The following NALF2 variants were observed in gnomAD, a reference collection of about 807,000 sequenced individuals.
NALF2 encodes bB57D9.1 (TED protein).
NALF2 carries 1 observed loss-of-function variant against 24.8 expected under a neutral mutation model. The ratio of observed to expected loss-of-function variants is 0.04; its 90% confidence interval spans 0.01 to 0.19. NALF2 has a LOEUF of 0.19. Ranked by LOEUF, NALF2 falls within the 10% of genes least tolerant of loss-of-function variation. The pLI is 1.00. For synonymous variants in NALF2, 254 were observed against 189.8 expected (o/e 1.34, Z -2.78); for missense variants, 458 against 409.6 (o/e 1.12, Z -1.02).
Position 69,529,584 on chromosome X carries a change from T to G in NALF2, c.1047T>G (p.Thr349=). 8.3e-7 allele frequency: 1 copy of G among 1,208,568 alleles called. No individual in the cohort carries two copies. Among genetic ancestry groups the G allele is most frequent in the Non-Finnish European group, 1.1e-6 (1 of 893,860 alleles). The part of the protein sequence containing the change: ...PGFICTGLLD[T]SPKRLETKCC... Reference sequence around the variant, plus strand: ...ATCCATTGGCAGGGTTGCTGGATACTTCACCAAAGCGTCTGGAAACCAAGT... The same window carrying G: ...ATCCATTGGCAGGGTTGCTGGATACGTCACCAAAGCGTCTGGAAACCAAGT... Residue 349 remains threonine (T), a synonymous_variant, in exon 3 of 3, where the codon ACT becomes ACG. Coordinates refer to ENST00000252338, the MANE Select transcript of NALF2 (RefSeq NM_015686.3).
rs1930416621 is a variant in NALF2 at position 69,504,572 on chromosome X, C to G, written c.-711C>G. ...CTGCGTCCGGCGCCTGTGGCGCTGCCGGGAGCCAGGTGGCCCGCCCGAGCC... is the reference window on the plus strand; with the variant it reads ...CTGCGTCCGGCGCCTGTGGCGCTGCGGGGAGCCAGGTGGCCCGCCCGAGCC... On this transcript the variant is annotated 5_prime_UTR_variant, in exon 1 of 3. Transcript: ENST00000252338. Among the ~76,000 whole-genome samples the G allele has an allele frequency of 1.8e-5, 2 of 112,952 alleles. No individual in the cohort carries two copies. The highest frequency in any genetic ancestry group is 9.2e-5 in the Admixed American group (1 of 10,907).
chrX:69,524,868 T>C (rs1930783857), intron 1 of NALF2, among the ~76,000 whole-genome samples: 1 of 111,933 alleles, frequency 8.9e-6, no homozygotes, highest in African/African-American at 3.2e-5. Context: ...GGATTACCTC[T>C]GAGCCCCACA....
intron 1 of NALF2, among the ~76,000 whole-genome samples, chrX:69,506,417 G>A (rs1233133784): frequency 8.9e-6 from 1 of 112,833 alleles, no homozygotes; most frequent in Non-Finnish European, 1.9e-5. Flanking sequence ...GAGTGGGGAG[G>A]GGCCGCAGGG....
At position 69,530,163 on chromosome X, in the gene NALF2, T is replaced by A; in HGVS notation, c.*207T>A. ...GGGCCTCAGGGAGCTGCAAAACTCATCCAGGAGAAAAAGGCAGGAGCAGCA... is the reference window on the plus strand; with the variant it reads ...GGGCCTCAGGGAGCTGCAAAACTCAACCAGGAGAAAAAGGCAGGAGCAGCA... On this transcript the variant is annotated 3_prime_UTR_variant, in exon 3 of 3. Coordinates refer to ENST00000252338, the MANE Select transcript of NALF2 (RefSeq NM_015686.3). 1 of 363,901 alleles carries A rather than the reference T, an allele frequency of 2.7e-6. No homozygotes were observed. The highest frequency in any genetic ancestry group is 4.3e-5 in the East Asian group (1 of 23,253). The allele number at this position is 363,901 out of a possible 1,213,427, so 30.0% of individuals were successfully genotyped here. A position where few individuals can be genotyped will look rare whatever the true frequency, so the allele number is the denominator to read the frequency against.
At chrX:69,528,537 T>A (rs1005823586) in intron 1 of NALF2, among the ~76,000 whole-genome samples, 1 of 112,649 alleles carries the variant, frequency 8.9e-6, no homozygotes, top group African/African-American at 3.2e-5. Flanking sequence ...CAAGGATTAT[T>A]CTTTCTCTTT....
In NALF2 at chrX:69,529,640, CGAA is replaced by C. The variant is rs771311412; in HGVS notation, c.1114_1116del (p.Lys372del). On this transcript the variant is annotated inframe_deletion, in exon 3 of 3. Coordinates refer to ENST00000252338, the MANE Select transcript of NALF2 (RefSeq NM_015686.3). ...GACGTGCAGTGGGTCTCCTGTGAGG[CGAA>C]GAAGAAGAAGTTCAAGGAGTCTGAG... The C allele has an allele frequency of 5.6e-5, 68 of 1,208,470 alleles. No individual in the cohort carries two copies. The highest frequency in any genetic ancestry group is 1.1e-4 in the South Asian group (6 of 56,467).
chrX:69,516,708 A>G (rs1005640795), intron 1 of NALF2, among the ~76,000 whole-genome samples: 4 of 111,756 alleles, frequency 3.6e-5, no homozygotes, highest in African/African-American at 1.3e-4. Flanking sequence ...AGGAATAGTG[A>G]GCCTTTGGCC....
intron 1 of NALF2, among the ~76,000 whole-genome samples, chrX:69,517,846 C>T (rs1930684036): frequency 8.9e-6 from 1 of 112,893 alleles, no homozygotes; most frequent in South Asian, 3.6e-4. Context: ...TCTGTTCTCT[C>T]CAGCCTCTCA....
At position 69,504,789 on chromosome X, in the gene NALF2, G is replaced by GGGCGAGGGGAGCGGAGC. The variant is rs1555964407; in HGVS notation, c.-491_-475dup. On this transcript the variant is annotated 5_prime_UTR_variant, in exon 1 of 3. Coordinates refer to ENST00000252338, the MANE Select transcript of NALF2 (RefSeq NM_015686.3). Reference sequence around the variant, plus strand: ...GGACGGGCGGGAGCGGAGCGGCGCGGGGCGAGGGGAGCGGAGCGGAGCGCG... The same window carrying GGGCGAGGGGAGCGGAGC: ...GGACGGGCGGGAGCGGAGCGGCGCGGGGCGAGGGGAGCGGAGCGGCGAGGGGAGCGGAGCGGAGCGCG... Among the ~76,000 whole-genome samples the GGGCGAGGGGAGCGGAGC allele has an allele frequency of 4.8e-5, 5 of 103,863 alleles. No homozygotes were observed. Among genetic ancestry groups the GGGCGAGGGGAGCGGAGC allele is most frequent in the Non-Finnish European group, 9.6e-5 (5 of 52,010 alleles). The allele number at this position is 103,863 out of a possible 115,157, so 90.2% of individuals were successfully genotyped here. A position where few individuals can be genotyped will look rare whatever the true frequency, so the allele number is the denominator to read the frequency against.
intron 1 of NALF2, among the ~76,000 whole-genome samples, chrX:69,527,667 T>G (rs1930826892): frequency 8.9e-6 from 1 of 112,010 alleles, no homozygotes; most frequent in African/African-American, 3.3e-5. Flanking sequence ...TGAGAACCAT[T>G]GCTGTGAGGA....
In NALF2 at chrX:69,505,194, G is replaced by A; in HGVS notation, c.-89G>A. The A allele has an allele frequency of 6.3e-6, 6 of 946,268 alleles. No individual in the cohort carries two copies. Among genetic ancestry groups the A allele is most frequent in the Non-Finnish European group, 7.0e-6 (5 of 716,153 alleles). The allele number at this position is 946,268 out of a possible 1,213,427, so 78.0% of individuals were successfully genotyped here. On this transcript the variant is annotated 5_prime_UTR_variant, in exon 1 of 3. Transcript: ENST00000252338. Reference sequence around the variant, plus strand: ...GAGGTAGAGCCTGGACGGCGCCGAGGAGCGCAGAGCGGCGCGCAGCCCGCC... The same window carrying A: ...GAGGTAGAGCCTGGACGGCGCCGAGAAGCGCAGAGCGGCGCGCAGCCCGCC...
At position 69,529,681 on chromosome X, in the gene NALF2, C is replaced by T. The variant is rs1930866594; in HGVS notation, c.1144C>T (p.His382Tyr). The T allele has an allele frequency of 4.1e-6, 5 of 1,209,393 alleles. No homozygotes were observed. The highest frequency in any genetic ancestry group is 4.6e-4 in the Middle Eastern group (2 of 4,353). The change falls in exon 3 of 3, where the codon CAC (histidine) becomes TAC (tyrosine). Residue 382 changes from histidine (H) to tyrosine (Y), a missense_variant. Coordinates refer to ENST00000252338, the MANE Select transcript of NALF2 (RefSeq NM_015686.3). ...KFKESEAPKT[H>Y]QQQFHHSYFH... ...CAAGGAGTCTGAGGCCCCCAAAACC[C>T]ACCAGCAGCAATTCCACCACTCCTA...
chrX:69,523,963 C>T (rs1226019849), intron 1 of NALF2, among the ~76,000 whole-genome samples: 1 of 111,649 alleles, frequency 9.0e-6, no homozygotes, highest in Non-Finnish European at 1.9e-5. Context: ...CCTCCCAAAC[C>T]GATGGTTCTC....
chrX:69,521,005 G>A (rs187966325), intron 1 of NALF2, among the ~76,000 whole-genome samples: 1 of 111,934 alleles, frequency 8.9e-6, no homozygotes, highest in Non-Finnish European at 1.9e-5. Flanking sequence ...TTAGTCATGG[G>A]AGTGGCAAGC....
intron 1 of NALF2, among the ~76,000 whole-genome samples, chrX:69,509,529 A>AC (rs1399108864): frequency 1.8e-5 from 2 of 111,159 alleles, no homozygotes; most frequent in African/African-American, 6.6e-5. Context: ...TAGCTCTCTC[A>AC]CCAGCCATAG....
chrX:69,529,276 C>T, intron 2 of NALF2, 112 bp downstream of exon 2: 1 of 894,867 alleles, frequency 1.1e-6, no homozygotes, highest in Non-Finnish European at 1.5e-6. Flanking sequence ...AGAAGAAGGC[C>T]AGTGGCTGGA....
intron 1 of NALF2, among the ~76,000 whole-genome samples, chrX:69,523,210 C>A (rs1195759692): frequency 1.8e-5 from 2 of 112,849 alleles, no homozygotes; most frequent in African/African-American, 6.4e-5. Context: ...CTGCTTACTT[C>A]CTGGTTGGCA....
Position 69,512,705 on chromosome X carries a change from G to A in NALF2, c.861+6562G>A, listed in dbSNP as rs1372038557. ...CATGAGACAACTGAGGCTCAGTGAG[G>A]TGAAATGACCTACCCAGGCCACATA... On this transcript the variant is annotated intron_variant, in intron 1 of 2. Transcript: ENST00000252338. Among the ~76,000 whole-genome samples, 3 of 111,966 alleles carry A rather than the reference G, an allele frequency of 2.7e-5. No individual in the cohort carries two copies. The Admixed American group carries it at 2.8e-4, about 11-fold the overall frequency.
intron 1 of NALF2, among the ~76,000 whole-genome samples, chrX:69,508,453 T>C (rs1252037915): frequency 9.0e-6 from 1 of 110,708 alleles, no homozygotes; most frequent in African/African-American, 3.3e-5. Context: ...CCCTCCCTCC[T>C]CTCCTTTGTC....
Sources: allele counts gnomAD v4.1 joint callset (sites outside exome capture counted in the v4.1 genomes callset), GRCh38; gene constraint gnomAD v4.1.1; transcripts MANE v1.5; gene names NCBI Gene and HGNC (gene_info 2026-07-23, HGNC 2026-07-21).